Variants in RIPK4 observed in about 807,000 individuals in gnomAD.
RIPK4 encodes the protein receptor-interacting serine/threonine-protein kinase 4.
Under a neutral mutation model 42.9 loss-of-function variants are expected in RIPK4, and 17 were observed. The observed-to-expected ratio is 0.40, with a 90% CI of 0.27 to 0.59. The LOEUF (loss-of-function observed/expected upper bound fraction) is 0.59. RIPK4 is among the 20% of genes least tolerant of loss of function. The pLI is 0.47. For missense variants in RIPK4, 897 were observed against 1,104.4 expected, an observed-to-expected ratio of 0.81 and a Z score of 2.66; for synonymous variants, 498 against 499.1, an observed-to-expected ratio of 1.00 and a Z score of 0.03.
At chr21:41,756,430 T>C in intron 2 of RIPK4, 95 bp downstream of exon 2, 1 of 1,454,078 alleles carries the variant, frequency 6.9e-7, no homozygotes, top group Non-Finnish European at 9.3e-7. Context: ...TCTTCTGCCC[T>C]TGTCCTGACC....
chr21:41,765,141 T>C (rs1335009790), intron 1 of RIPK4, among the ~76,000 whole-genome samples: 2 of 152,122 alleles, frequency 1.3e-5, no homozygotes, highest in East Asian at 3.8e-4. Flanking sequence ...TAGGTGCTTG[T>C]TTACTTTGCT....
At position 41,741,321 on chromosome 21, in the gene RIPK4, G is replaced by A. The variant is rs549988231; in HGVS notation, c.1872C>T (p.Ile624=). The A allele has an allele frequency of 9.9e-6, 16 of 1,609,058 alleles. No individual in the cohort carries two copies. Among genetic ancestry groups the A allele is most frequent in the East Asian group, 8.9e-5 (4 of 44,852 alleles). ...RGHYRVARIL[I]DLCSDVNVCS... is the part of the protein sequence containing the mutation. ...AGACGTTGACGTCGGAGCACAGGTC[G>A]ATGAGGATGCGGGCCACGCGGTAGT... Residue 624 remains isoleucine, a synonymous_variant, in exon 8 of 8, where the codon ATC becomes ATT. Coordinates refer to ENST00000332512, the MANE Select transcript of RIPK4 (RefSeq NM_020639.3).
chr21:41,755,553 G>A lies in RIPK4; in HGVS notation c.474+972C>T, dbSNP rs1409323922. On this transcript the variant is annotated intron_variant, in intron 2 of 7. Transcript: ENST00000332512. This position sits in a 1 kb window ranked among gnomAD's most constrained non-coding sequence, Gnocchi z 4.2. ...ATGGTCAGGCCATCAGAGAGGCCTG[G>A]AAGTGCTGTGCCACCAGGAACAGTA... is the stretch of plus-strand genomic sequence containing the variant. 6.6e-6 allele frequency among the ~76,000 whole-genome samples: 1 copy of A among 152,156 alleles called. No homozygotes were observed. Among genetic ancestry groups the A allele is most frequent in the Non-Finnish European group, 1.5e-5 (1 of 68,018 alleles).
At chr21:41,763,908 A>G (rs2061228625) in intron 1 of RIPK4, among the ~76,000 whole-genome samples, 1 of 151,988 alleles carries the variant, frequency 6.6e-6, no homozygotes, top group African/African-American at 2.4e-5. Context: ...CTTTGGGATC[A>G]CTTTATTCTC....
intron 3 of RIPK4, among the ~76,000 whole-genome samples, chr21:41,750,269 C>T (rs1341686804): frequency 1.3e-5 from 2 of 152,232 alleles, no homozygotes; most frequent in Non-Finnish European, 2.9e-5. Context: ...CAATGGGAGG[C>T]TTAGTGCCTG....
chr21:41,765,226 G>A (rs1487267488), intron 1 of RIPK4, among the ~76,000 whole-genome samples: 5 of 152,146 alleles, frequency 3.3e-5, no homozygotes, highest in South Asian at 2.1e-4. Context: ...GAGATAAAAC[G>A]AATGCCCCTA....
chr21:41,751,201 C>T lies in RIPK4; in HGVS notation c.519G>A (p.Ser173=), dbSNP rs201030695. Residue 173 remains serine, a synonymous_variant, in exon 3 of 8, where the codon TCG becomes TCA. Coordinates refer to ENST00000332512, the MANE Select transcript of RIPK4 (RefSeq NM_020639.3). This position sits in a 1 kb window ranked among gnomAD's most constrained non-coding sequence, Gnocchi z 4.5. ...GLAKCNGLSH[S]HDLSMDGLFG... ...ACAGGCCATCCATGCTGAGGTCATGCGAGTGGGACAGCCCGTTGCACTTGG... is the reference window on the plus strand; with the variant it reads ...ACAGGCCATCCATGCTGAGGTCATGTGAGTGGGACAGCCCGTTGCACTTGG... 8 of 1,614,226 alleles carry T rather than the reference C, an allele frequency of 5.0e-6. No individual in the cohort carries two copies. Among genetic ancestry groups the T allele is most frequent in the East Asian group, 2.2e-5 (1 of 44,880 alleles).
Position 41,753,414 on chromosome 21 carries a change from C to G in RIPK4, c.475-2169G>C, listed in dbSNP as rs910211196. On this transcript the variant is annotated intron_variant, in intron 2 of 7. Coordinates refer to ENST00000332512, the MANE Select transcript of RIPK4 (RefSeq NM_020639.3). ...CTATACTTGGTGAAAAGAAAACGAG[C>G]AGAAATTCTCTGTAAAACCTCTGGC... Among the ~76,000 whole-genome samples, 4 of 152,306 alleles carry G rather than the reference C, an allele frequency of 2.6e-5. 1 individual carries two copies. The South Asian group carries it at 8.3e-4, about 32-fold the overall frequency.
intron 7 of RIPK4, among the ~76,000 whole-genome samples, chr21:41,743,474 G>C (rs552862232): frequency 6.6e-6 from 1 of 152,250 alleles, no homozygotes; most frequent in Non-Finnish European, 1.5e-5. Context: ...CCACATATGC[G>C]AAGGCGTGGG....
At chr21:41,745,035 C>A (rs1477082227) in intron 6 of RIPK4, among the ~76,000 whole-genome samples, 1 of 152,160 alleles carries the variant, frequency 6.6e-6, no homozygotes, top group African/African-American at 2.4e-5. Context: ...ACCGAGCCAC[C>A]CCTACATGTT....
In RIPK4 at chr21:41,751,904, G is replaced by A. The variant is rs2061189709; in HGVS notation, c.475-659C>T. On this transcript the variant is annotated intron_variant, in intron 2 of 7. Transcript: ENST00000332512. The surrounding 1 kb of genome is among the most constrained non-coding windows in gnomAD (Gnocchi z 4.5). ...GGTCTGATAAACACCTCTGCTGGCA[G>A]CGCCCGGGCCCCAAGGAGCACCGGC... Among the ~76,000 whole-genome samples, 2 of 152,202 alleles carry A rather than the reference G, an allele frequency of 1.3e-5. No individual in the cohort carries two copies. The highest frequency in any genetic ancestry group is 1.3e-4 in the Admixed American group (2 of 15,286).
At chr21:41,745,675 G>T in intron 6 of RIPK4, 84 bp downstream of exon 6, 1 of 999,226 alleles carries the variant, frequency 1.0e-6, no homozygotes, top group South Asian at 1.4e-5. Context: ...CCGGGCGGCG[G>T]GGGACTCTGC....
chr21:41,765,596 C>T (rs2061233677), intron 1 of RIPK4, among the ~76,000 whole-genome samples: 1 of 152,220 alleles, frequency 6.6e-6, no homozygotes, highest in South Asian at 2.1e-4. Flanking sequence ...GCACTGCCAC[C>T]CCAGACACAG....
chr21:41,739,395 T>C lies in RIPK4; in HGVS notation c.*1443A>G, dbSNP rs2061145536. On this transcript the variant is annotated 3_prime_UTR_variant, in exon 8 of 8. Transcript: ENST00000332512. Reference sequence around the variant, plus strand: ...AGCTTCAAAAAAGTAGGCAAGTACTTTGCTTTATTGACATCAAATGGAACT... The same window carrying C: ...AGCTTCAAAAAAGTAGGCAAGTACTCTGCTTTATTGACATCAAATGGAACT... 1 of 152,228 alleles carries C rather than the reference T, an allele frequency of 6.6e-6. No individual in the cohort carries two copies. Among genetic ancestry groups the C allele is most frequent in the Non-Finnish European group, 1.5e-5 (1 of 68,034 alleles). The allele number at this position is 152,228 out of a possible 1,614,324, so 9.4% of individuals were successfully genotyped here. A position where few individuals can be genotyped will look rare whatever the true frequency, so the allele number is the denominator to read the frequency against.
Position 41,746,655 on chromosome 21 carries a change from G to T in RIPK4, c.790C>A (p.Arg264=). The change falls in exon 5 of 8, where the codon CGG becomes AGG. Residue 264 remains arginine (R), a synonymous_variant. Coordinates refer to ENST00000332512, the MANE Select transcript of RIPK4 (RefSeq NM_020639.3). ...ACSHLIRLMQ[R]CWQGDPRVRP... ...ACTCGCGGATCCCCCTGCCAGCACC[G>T]CTGCATGAGGCGTATCAGGTGGCTG... The T allele has an allele frequency of 1.2e-6, 2 of 1,610,954 alleles. No individual in the cohort carries two copies. Among genetic ancestry groups the T allele is most frequent in the Non-Finnish European group, 8.5e-7 (1 of 1,179,830 alleles).
Position 41,740,760 on chromosome 21 carries a change from A to G in RIPK4, c.*78T>C, listed in dbSNP as rs2061149996. ...GGTAAGCCACAACAGGGCCCCACGC[A>G]GGATCGTTCCATCCCCACGAGGAAC... On this transcript the variant is annotated 3_prime_UTR_variant, in exon 8 of 8. Transcript: ENST00000332512. 1.4e-6 allele frequency: 2 copies of G among 1,423,132 alleles called. No individual in the cohort carries two copies. The highest frequency in any genetic ancestry group is 1.4e-5 in the African/African-American group (1 of 70,262). The allele number at this position is 1,423,132 out of a possible 1,614,324, so 88.2% of individuals were successfully genotyped here.
At chr21:41,763,524 G>T (rs141403329) in intron 1 of RIPK4, among the ~76,000 whole-genome samples, 5 of 152,158 alleles carry the variant, frequency 3.3e-5, no homozygotes, top group Non-Finnish European at 7.4e-5. Flanking sequence ...GCAGGGAGGT[G>T]GGGGAGACGG....
At chr21:41,747,187 A>G (rs2061174542) in intron 4 of RIPK4, among the ~76,000 whole-genome samples, 1 of 152,238 alleles carries the variant, frequency 6.6e-6, no homozygotes, top group African/African-American at 2.4e-5. Flanking sequence ...CTACATCCAC[A>G]GAGACCCAAC....
At chr21:41,765,738 T>G (rs1319068471) in intron 1 of RIPK4, among the ~76,000 whole-genome samples, 1 of 152,250 alleles carries the variant, frequency 6.6e-6, no homozygotes, top group African/African-American at 2.4e-5. Context: ...TCTGAGTGTA[T>G]GTGTTCAAGG....
Sources: allele counts gnomAD v4.1 joint callset (sites outside exome capture counted in the v4.1 genomes callset), GRCh38; gene constraint gnomAD v4.1.1; non-coding constraint Gnocchi (gnomAD v3.1); transcripts MANE v1.5; gene names NCBI Gene and HGNC (gene_info 2026-07-23, HGNC 2026-07-21).